CLDN16: variants seen among roughly 807,000 people sequenced by gnomAD.
The protein encoded by CLDN16 is claudin-16.
In CLDN16, 13 loss-of-function variants were observed where a neutral mutation model predicts 24.6. The observed-to-expected ratio is 0.53, with a 90% CI of 0.34 to 0.84. The LOEUF (loss-of-function observed/expected upper bound fraction) is 0.84. Among genes scored for constraint, CLDN16 ranks in the 40% least tolerant of loss-of-function variants. The pLI, the probability that CLDN16 is intolerant of heterozygous loss-of-function variation, is 0.01. For synonymous variants in CLDN16, 116 were observed against 106.7 expected (o/e 1.09, Z -0.54); for missense variants, 298 against 292.7 (o/e 1.02, Z -0.13).
intron 1 of CLDN16, among the ~76,000 whole-genome samples, chr3:190,337,384 T>C (rs745821036): frequency 2.6e-5 from 4 of 152,184 alleles, no homozygotes; most frequent in Non-Finnish European, 4.4e-5. Flanking sequence ...CCATTACGTG[T>C]TAACCCTCAT....
chr3:190,361,122 T>G (rs935167715), intron 1 of CLDN16, among the ~76,000 whole-genome samples: 9 of 152,036 alleles, frequency 5.9e-5, no homozygotes, highest in African/African-American at 1.9e-4. Flanking sequence ...CTTGAACACT[T>G]CAATGTAATA....
chr3:190,308,605 A>G, the CLDN16 span, among the ~76,000 whole-genome samples: 1 of 152,184 alleles, frequency 6.6e-6, no homozygotes, highest in Non-Finnish European at 1.5e-5. Context: ...ACGCCAAAGA[A>G]TGTTTATATT....
chr3:190,394,435 C>A (rs1196805317), intron 1 of CLDN16, among the ~76,000 whole-genome samples: 2 of 152,134 alleles, frequency 1.3e-5, no homozygotes, highest in Non-Finnish European at 2.9e-5. Context: ...TAATCAGGTT[C>A]TCTTCTGGGA....
At chr3:190,320,576 A>T (rs1716892420), upstream of CLDN16, among the ~76,000 whole-genome samples, 8 of 152,364 alleles carry the variant, frequency 5.3e-5, no homozygotes, top group South Asian at 1.7e-3. Context: ...CAAAACAACC[A>T]TGCACATTGA....
At chr3:190,321,242 T>C (rs544469076), upstream of CLDN16, among the ~76,000 whole-genome samples, 3 of 152,312 alleles carry the variant, frequency 2.0e-5, no homozygotes, top group African/African-American at 7.2e-5. Flanking sequence ...CGCAGGTTAT[T>C]TAGAACCTTT....
chr3:190,302,786 AT>A, the CLDN16 span, among the ~76,000 whole-genome samples: 1 of 140,714 alleles, frequency 7.1e-6, no homozygotes, highest in African/African-American at 2.7e-5. Flanking sequence ...AAAAATATAT[AT>A]ATATATATAT....
chr3:190,399,781 G>A (rs564857236), intron 1 of CLDN16, among the ~76,000 whole-genome samples: 43 of 152,256 alleles, frequency 2.8e-4, no homozygotes, highest in Admixed American at 2.5e-3. Flanking sequence ...CCACAGACCA[G>A]TACTAGTCCG....
intron 3 of CLDN16, among the ~76,000 whole-genome samples, chr3:190,380,257 T>C (rs199755465): frequency 0.086 from 1,159 of 13,416 alleles, 4 homozygotes; most frequent in East Asian, 0.14. Context: ...TTCCTTCCTT[T>C]CTTCCTTCCT....
the CLDN16 span, among the ~76,000 whole-genome samples, chr3:190,316,478 C>T: frequency 9.2e-5 from 14 of 152,212 alleles, no homozygotes; most frequent in East Asian, 9.6e-4. Context: ...ACAAGCAAGG[C>T]GTAGGTAATG....
At chr3:190,391,989 A>T (rs1414989264) in intron 1 of CLDN16, among the ~76,000 whole-genome samples, 2 of 149,256 alleles carry the variant, frequency 1.3e-5, no homozygotes, top group Admixed American at 1.3e-4. Flanking sequence ...AGCAAGTCAC[A>T]TTTCTTGTCT....
the CLDN16 span, among the ~76,000 whole-genome samples, chr3:190,297,888 T>C: frequency 1.3e-5 from 2 of 151,422 alleles, no homozygotes; most frequent in African/African-American, 4.9e-5. Flanking sequence ...ACACGTATCA[T>C]GACTGAGACT....
At chr3:190,397,710 G>A (rs751572911) in intron 1 of CLDN16, among the ~76,000 whole-genome samples, 28 of 152,154 alleles carry the variant, frequency 1.8e-4, no homozygotes, top group South Asian at 4.1e-4. Context: ...CTATTCTCAC[G>A]TACCTTAACT....
At position 190,388,257 on chromosome 3, in the gene CLDN16, T is replaced by C; in HGVS notation, c.-73T>C. 6.2e-7 allele frequency: 1 copy of C among 1,612,074 alleles called. No homozygotes were observed. Among genetic ancestry groups the C allele is most frequent in the African/African-American group, 1.3e-5 (1 of 74,850 alleles). ...GCCAGGTACCAGAAACACAGAAGAC[T>C]GACACCCGCCACTTAAGTGGGGCCA... On this transcript the variant is annotated 5_prime_UTR_variant, in exon 1 of 5. Transcript: ENST00000264734.
chr3:190,382,071 A>T (rs1718382748), intron 3 of CLDN16, among the ~76,000 whole-genome samples: 1 of 152,074 alleles, frequency 6.6e-6, no homozygotes, highest in South Asian at 2.1e-4. Context: ...ATTCAGACAG[A>T]TTCATTTTAT....
intron 1 of CLDN16, among the ~76,000 whole-genome samples, chr3:190,398,725 C>T (rs1718883351): frequency 6.6e-6 from 1 of 152,104 alleles, no homozygotes; most frequent in Non-Finnish European, 1.5e-5. Flanking sequence ...ATTTATTGAG[C>T]ATATCATTTA....
chr3:190,359,878 G>A (rs141339969), intron 1 of CLDN16, among the ~76,000 whole-genome samples: 5 of 152,122 alleles, frequency 3.3e-5, no homozygotes, highest in Non-Finnish European at 7.4e-5. Flanking sequence ...AGAACTTGTG[G>A]CCTAAAAGGA....
chr3:190,376,002 C>G (rs972099154), intron 3 of CLDN16, among the ~76,000 whole-genome samples: 1 of 151,866 alleles, frequency 6.6e-6, no homozygotes, highest in Non-Finnish European at 1.5e-5. Flanking sequence ...TTTTGCCAAG[C>G]AGCACAATTA....
chr3:190,388,031 A>G (rs910725523), upstream of CLDN16: 1 of 1,261,806 alleles, frequency 7.9e-7, no homozygotes. Flanking sequence ...GGGTCAGAAA[A>G]CGTTACAGAA....
chr3:190,295,715 C>G, the CLDN16 span, among the ~76,000 whole-genome samples: 13 of 152,236 alleles, frequency 8.5e-5, no homozygotes, highest in Non-Finnish European at 1.8e-4. Context: ...AGGCCTCAAT[C>G]TAACAATTTG....
Sources: gnomAD v4.1 joint callset for allele counts (sites outside exome capture counted in the v4.1 genomes callset) on GRCh38, gnomAD v4.1.1 for gene constraint, MANE v1.5 for transcripts, NCBI Gene and HGNC (gene_info 2026-07-23, HGNC 2026-07-21) for gene names.